NCALD: variants seen among roughly 807,000 people sequenced by gnomAD.
NCALD encodes neurocalcin delta, also known as neurocalcin-delta.
A neutral mutation model predicts 18.6 loss-of-function variants in NCALD; 10 were observed. The observed-to-expected ratio is 0.54, with a 90% confidence interval of 0.33 to 0.91. NCALD has a LOEUF of 0.91. Ranked by LOEUF, NCALD falls within the 40% of genes least tolerant of loss-of-function variation. NCALD has a pLI of 0.03. For synonymous variants in NCALD, 88 were observed against 87.4 expected (o/e 1.01, Z -0.04); for missense variants, 184 against 247.6 (o/e 0.74, Z 1.72).
At chr8:101,940,137 A>G (rs1818902999) in intron 2 of NCALD, among the ~76,000 whole-genome samples, 1 of 152,146 alleles carries the variant, frequency 6.6e-6, no homozygotes, top group South Asian at 2.1e-4. Flanking sequence ...ATTTTGTTCC[A>G]TTTGCAATCT....
intron 1 of NCALD, among the ~76,000 whole-genome samples, chr8:102,066,238 A>AAG (rs971198046): frequency 1.3e-5 from 2 of 152,164 alleles, no homozygotes; most frequent in South Asian, 2.1e-4. Flanking sequence ...TTTTGTCCCC[A>AAG]AGAGAGCCAC....
At chr8:101,698,132 C>A (rs752021891) in intron 2 of NCALD, among the ~76,000 whole-genome samples, 1 of 152,122 alleles carries the variant, frequency 6.6e-6, no homozygotes, top group African/African-American at 2.4e-5. Flanking sequence ...CATTTCTATA[C>A]ACCAACAATA....
chr8:101,741,247 G>T (rs145593931), intron 1 of NCALD, among the ~76,000 whole-genome samples: 31 of 152,298 alleles, frequency 2.0e-4, no homozygotes, highest in Non-Finnish European at 4.3e-4. Flanking sequence ...TCCATTAAAA[G>T]AAATTGCAAA....
intron 3 of NCALD, among the ~76,000 whole-genome samples, chr8:101,892,666 A>AT (rs1385667873): frequency 2.0e-5 from 3 of 150,532 alleles, no homozygotes; most frequent in Admixed American, 6.6e-5. Context: ...AGAAGTGCTT[A>AT]AAGGAGCTGA....
chr8:101,994,434 T>C (rs886540145), intron 2 of NCALD, among the ~76,000 whole-genome samples: 6 of 152,198 alleles, frequency 3.9e-5, no homozygotes, highest in Non-Finnish European at 5.9e-5. Context: ...CTACTGTTCC[T>C]GAATGAAGTG....
intron 1 of NCALD, among the ~76,000 whole-genome samples, chr8:102,031,793 A>G (rs890246819): frequency 6.6e-6 from 1 of 152,198 alleles, no homozygotes; most frequent in Non-Finnish European, 1.5e-5. Flanking sequence ...GGATTTGAGT[A>G]TGAAAACATG....
At chr8:101,849,037 T>C (rs1259664205) in intron 4 of NCALD, among the ~76,000 whole-genome samples, 1 of 152,074 alleles carries the variant, frequency 6.6e-6, no homozygotes, top group East Asian at 1.9e-4. Context: ...TAAAAAGGAA[T>C]GAGATTATGT....
chr8:101,862,423 C>T (rs939543042), intron 4 of NCALD, among the ~76,000 whole-genome samples: 7 of 152,220 alleles, frequency 4.6e-5, no homozygotes, highest in Middle Eastern at 3.4e-3. Flanking sequence ...GTTTTAATTA[C>T]GATCCATGAA....
At chr8:102,043,464 G>A (rs1823125524) in intron 1 of NCALD, among the ~76,000 whole-genome samples, 2 of 151,720 alleles carry the variant, frequency 1.3e-5, no homozygotes, top group African/African-American at 2.4e-5. Flanking sequence ...GACATTAATA[G>A]GTTGAAAATC....
intron 2 of NCALD, among the ~76,000 whole-genome samples, chr8:101,922,891 T>C (rs1231949957): frequency 2.0e-5 from 3 of 152,212 alleles, no homozygotes; most frequent in Non-Finnish European, 4.4e-5. Flanking sequence ...TGTAACACTA[T>C]ACTGTATTAA....
intron 2 of NCALD, among the ~76,000 whole-genome samples, chr8:101,964,105 T>C (rs1040399607): frequency 6.6e-5 from 10 of 152,296 alleles, no homozygotes; most frequent in African/African-American, 2.2e-4. Context: ...TCTTGAAATA[T>C]ACAAAAATAT....
intron 1 of NCALD, among the ~76,000 whole-genome samples, chr8:101,727,608 G>A (rs1281160835): frequency 6.6e-6 from 1 of 152,334 alleles, no homozygotes; most frequent in Admixed American, 6.5e-5. Flanking sequence ...AGCCTCCTGT[G>A]TAGCTGCGAC....
At chr8:101,720,100 A>G (rs965474504) in intron 1 of NCALD, among the ~76,000 whole-genome samples, 1 of 152,212 alleles carries the variant, frequency 6.6e-6, no homozygotes, top group Admixed American at 6.5e-5. Flanking sequence ...CAAGGGAAAG[A>G]ATTTAGCAGG....
At chr8:101,732,355 C>G (rs1816870817) in intron 1 of NCALD, among the ~76,000 whole-genome samples, 1 of 152,076 alleles carries the variant, frequency 6.6e-6, no homozygotes, top group South Asian at 2.1e-4. Flanking sequence ...GCTCAAGTCC[C>G]CATTTTTAGA....
At chr8:102,050,694 T>C (rs1302722151) in intron 1 of NCALD, among the ~76,000 whole-genome samples, 1 of 147,616 alleles carries the variant, frequency 6.8e-6, no homozygotes, top group Non-Finnish European at 1.5e-5. Flanking sequence ...TATGTTTGTA[T>C]ATATAGCATA....
intron 2 of NCALD, among the ~76,000 whole-genome samples, chr8:101,976,150 C>T (rs752725253): frequency 4.6e-5 from 7 of 152,244 alleles, no homozygotes; most frequent in Non-Finnish European, 1.0e-4. Flanking sequence ...CCCTTCAGGA[C>T]TAGAGGGAGT....
intron 1 of NCALD, among the ~76,000 whole-genome samples, chr8:102,102,630 C>A (rs1247262662): frequency 6.6e-6 from 1 of 152,230 alleles, no homozygotes; most frequent in Non-Finnish European, 1.5e-5. Context: ...CCCAGCCCCG[C>A]TCCACTGCCC....
chr8:101,957,289 G>GTTTT (rs11305701), intron 2 of NCALD, among the ~76,000 whole-genome samples: 1,481 of 99,414 alleles, frequency 0.015, 32 homozygotes, highest in Middle Eastern at 0.021. Flanking sequence ...AAAAGTTGGG[G>GTTTT]TTTTTTTTTT....
At chr8:102,124,209 G>C (rs995194121) in intron 1 of NCALD, 1 of 151,872 alleles carries the variant, frequency 6.6e-6, no homozygotes, top group South Asian at 2.1e-4. Flanking sequence ...TGGCTCCCGA[G>C]AAGCGGAGGG....
Sources: allele counts gnomAD v4.1 joint callset (sites outside exome capture counted in the v4.1 genomes callset), GRCh38; gene constraint gnomAD v4.1.1; transcripts MANE v1.5; gene names NCBI Gene and HGNC (gene_info 2026-07-23, HGNC 2026-07-21).